TOP3A: variants seen among roughly 807,000 people sequenced by gnomAD.
TOP3A encodes DNA topoisomerase III alpha.
Under a neutral mutation model 111.3 loss-of-function variants are expected in TOP3A, and 64 were observed. That is an observed-to-expected ratio of 0.57 (90% CI 0.47 to 0.71). The LOEUF is 0.71. Ranked by LOEUF, TOP3A falls within the 30% of genes least tolerant of loss-of-function variation. The pLI, the probability that TOP3A is intolerant of heterozygous loss-of-function variation, is 0.00. For synonymous variants in TOP3A, 484 were observed against 485.1 expected, an observed-to-expected ratio of 1.00 and a Z score of 0.03; for missense variants, 1,104 against 1,285.0, an observed-to-expected ratio of 0.86 and a Z score of 2.15.
At chr17:18,284,603 A>T (rs1979975279) in intron 15 of TOP3A, among the ~76,000 whole-genome samples, 1 of 152,188 alleles carries the variant, frequency 6.6e-6, no homozygotes, top group Non-Finnish European at 1.5e-5. Context: ...ATTATAAATC[A>T]TAATATCACA....
At chr17:18,291,319 G>GT (rs1418325073) in intron 11 of TOP3A, among the ~76,000 whole-genome samples, 10 of 152,244 alleles carry the variant, frequency 6.6e-5, no homozygotes, top group African/African-American at 2.4e-4. Flanking sequence ...AGATGAAAGC[G>GT]TAAGAAGTTA....
intron 13 of TOP3A, among the ~76,000 whole-genome samples, chr17:18,287,031 A>G (rs1246533922): frequency 6.6e-6 from 1 of 151,732 alleles, no homozygotes; most frequent in Non-Finnish European, 1.5e-5. Flanking sequence ...TGATTGGCCC[A>G]CCTTGGCCTC....
rs913090334 is a variant in TOP3A, at chr17:18,292,809, C to T, written c.1117G>A (p.Asp373Asn). ...PRTETNIFPR[D>N]LNLTVLVEQQ... ...TCCACCAACACCGTCAGGTTTAAGT[C>T]TCTGGGAAAAATGTTTGTTTCTGTT... is the stretch of plus-strand genomic sequence containing the variant. Residue 373 changes from aspartate (D) to asparagine (N), a missense_variant, in exon 11 of 19, where the codon GAC becomes AAC. By Grantham distance (23) the Asp-to-Asn change is conservative (BLOSUM62 1). Coordinates refer to ENST00000321105, the MANE Select transcript of TOP3A (RefSeq NM_004618.5). 1 of 1,613,936 alleles carries T rather than the reference C, an allele frequency of 6.2e-7. No individual in the cohort carries two copies. The highest frequency in any genetic ancestry group is 1.7e-5 in the Admixed American group (1 of 59,938).
chr17:18,286,122 C>T (rs146769049), intron 13 of TOP3A, among the ~76,000 whole-genome samples: 30 of 151,052 alleles, frequency 2.0e-4, no homozygotes, highest in Non-Finnish European at 3.7e-4. Context: ...ATCACTTGAA[C>T]CCAGGAGACA....
intron 4 of TOP3A, chr17:18,306,534 ATTTT>A (rs575474218): frequency 1.4e-4 from 23 of 163,882 alleles, no homozygotes; most frequent in Non-Finnish European, 7.8e-5. Context: ...GCCTGGTTAA[ATTTT>A]TTTTTTTTTT....
chr17:18,271,774 G>A lies in TOP3A; in HGVS notation c.*3028C>T. ...ACAGACAACACAATTTAAAAATGGG[G>A]GAAGAGACCAGGTGTGATGGCTCCT... On this transcript the variant is annotated 3_prime_UTR_variant, in exon 19 of 19. Coordinates refer to ENST00000321105, the MANE Select transcript of TOP3A (RefSeq NM_004618.5). 2.2e-6 allele frequency: 1 copy of A among 452,466 alleles called. No homozygotes were observed. Among genetic ancestry groups the A allele is most frequent in the Non-Finnish European group, 4.5e-6 (1 of 221,396 alleles). The allele number at this position is 452,466 out of a possible 1,614,324, so 28.0% of individuals were successfully genotyped here.
Position 18,277,662 on chromosome 17 carries a change from CT to C in TOP3A, c.2827+12del, listed in dbSNP as rs1218696177. The C allele has an allele frequency of 1.3e-6, 2 of 1,594,098 alleles. No homozygotes were observed. Among genetic ancestry groups the C allele is most frequent in the African/African-American group, 2.7e-5 (2 of 74,608 alleles). On this transcript the variant is annotated intron_variant, in intron 18 of 18. Coordinates refer to ENST00000321105, the MANE Select transcript of TOP3A (RefSeq NM_004618.5). The stretch of plus-strand genomic sequence containing the variant: ...ACTGAAGGCAGGGATTCCCATGCCC[CT>C]CCCTGCCTCACCTGGAGCGGTGTTC...
intron 9 of TOP3A, among the ~76,000 whole-genome samples, chr17:18,298,183 C>G (rs947266933): frequency 1.3e-4 from 19 of 151,380 alleles, no homozygotes; most frequent in Non-Finnish European, 1.8e-4. Flanking sequence ...GCCCCTCCGC[C>G]CGGCAACCGC....
chr17:18,284,994 T>A (rs1979996342), intron 15 of TOP3A, 148 bp downstream of exon 15: 2 of 910,286 alleles, frequency 2.2e-6, no homozygotes, highest in Non-Finnish European at 3.3e-6. Flanking sequence ...GGCAGGGTTA[T>A]AAACTCTGAC....
At chr17:18,296,841 A>C (rs1980838164) in intron 9 of TOP3A, among the ~76,000 whole-genome samples, 1 of 152,148 alleles carries the variant, frequency 6.6e-6, no homozygotes, top group African/African-American at 2.4e-5. Context: ...ACTCAGACTT[A>C]TGTTCTGTCA....
At chr17:18,313,565 GGATT>G (rs1345852565) in intron 1 of TOP3A, 1 of 129,938 alleles carries the variant, frequency 7.7e-6, no homozygotes, top group Admixed American at 7.8e-5. Flanking sequence ...CAAGACCTCT[GGATT>G]GCTTAAAAAA....
intron 5 of TOP3A, among the ~76,000 whole-genome samples, chr17:18,303,729 C>A (rs1038470984): frequency 6.6e-6 from 1 of 152,170 alleles, no homozygotes; most frequent in African/African-American, 2.4e-5. Flanking sequence ...TATAGTCACA[C>A]TGCATTCCCC....
In TOP3A at chr17:18,272,437, A is replaced by G. The variant is rs564554481; in HGVS notation, c.*2365T>C. Among the ~76,000 whole-genome samples, 1 of 152,360 alleles carries G rather than the reference A, an allele frequency of 6.6e-6. No individual in the cohort carries two copies. The highest frequency in any genetic ancestry group is 6.5e-5 in the Admixed American group (1 of 15,308). Reference sequence around the variant, plus strand: ...AATTCCATTCCTCGGCATATGCCCAAAATAACTGAAAACAAGTCATCAGAC... The same window carrying G: ...AATTCCATTCCTCGGCATATGCCCAGAATAACTGAAAACAAGTCATCAGAC... On this transcript the variant is annotated 3_prime_UTR_variant, in exon 19 of 19. Transcript: ENST00000321105.
intron 13 of TOP3A, 148 bp from the exon 14 acceptor site, chr17:18,285,668 A>C: frequency 1.6e-6 from 1 of 619,476 alleles, no homozygotes; most frequent in Non-Finnish European, 2.8e-6. Context: ...CATATAGCTC[A>C]TTCAAGAAAT....
intron 4 of TOP3A, among the ~76,000 whole-genome samples, chr17:18,305,988 G>A (rs868108029): frequency 7.3e-5 from 11 of 151,560 alleles, no homozygotes; most frequent in South Asian, 2.1e-4. Context: ...GATCACGTGA[G>A]GTCAGGAGTT....
Position 18,305,216 on chromosome 17 carries a change from G to C in TOP3A, c.395C>G (p.Thr132Ser). The C allele has an allele frequency of 6.2e-7, 1 of 1,613,732 alleles. No individual in the cohort carries two copies. The highest frequency in any genetic ancestry group is 8.5e-7 in the Non-Finnish European group (1 of 1,179,686). The part of the protein sequence containing the change: ...CPENFVDIKK[T>S]LERETRQCQA... The stretch of plus-strand genomic sequence containing the variant: ...GCACTGGCGAGTCTCTCGTTCCAAA[G>C]TTTTCTTAAGTTCGCAGTGGAATAA... The change falls in exon 5 of 19, where the codon ACT (threonine) becomes AGT (serine). Residue 132 changes from threonine to serine, a missense_variant. Thr to Ser is a moderately conservative substitution (Grantham distance 58, BLOSUM62 1). Transcript: ENST00000321105.
intron 8 of TOP3A, among the ~76,000 whole-genome samples, 168 bp from the exon 9 acceptor site, chr17:18,299,801 TATG>T (rs1981111066): frequency 6.6e-6 from 1 of 152,218 alleles, no homozygotes; most frequent in South Asian, 2.1e-4. Flanking sequence ...TAGCTGACAG[TATG>T]GTAGACACCA....
At chr17:18,302,195 T>C (rs1981273664) in intron 7 of TOP3A, 69 bp downstream of exon 7, 4 of 1,517,978 alleles carry the variant, frequency 2.6e-6, no homozygotes, top group Non-Finnish European at 3.6e-6. Context: ...GTGCTATTAA[T>C]GCTCACAGTC....
rs113085827 is a variant in TOP3A, at chr17:18,274,964, C to T, written c.2844G>A (p.Pro948=). The part of the protein sequence containing the change: ...ENTAPGTSGA[P]SWTGDRGRTL... ...TTCTTCCTCTGTCTCCTGTCCAGGA[C>T]GGGGCTCCAGAAGTCCCTGTCGGGA... The change falls in exon 19 of 19, where the codon CCG becomes CCA. Residue 948 remains proline, a synonymous_variant. Coordinates refer to ENST00000321105, the MANE Select transcript of TOP3A (RefSeq NM_004618.5). 4.3e-6 allele frequency: 7 copies of T among 1,613,758 alleles called. No homozygotes were observed. The highest frequency in any genetic ancestry group is 2.2e-5 in the East Asian group (1 of 44,860).
Sources: gnomAD v4.1 joint callset for allele counts (sites outside exome capture counted in the v4.1 genomes callset) on GRCh38, gnomAD v4.1.1 for gene constraint, MANE v1.5 for transcripts, NCBI Gene and HGNC (gene_info 2026-07-23, HGNC 2026-07-21) for gene names.